The following ABCA1 variants were observed in gnomAD, a reference collection of about 807,000 sequenced individuals.
ABCA1 encodes the protein ATP binding cassette subfamily A member 1, also known as phospholipid-transporting ATPase ABCA1.
Under a neutral mutation model 262.5 loss-of-function variants are expected in ABCA1, and 133 were observed. That is an observed-to-expected ratio of 0.51 (90% CI 0.44 to 0.59). ABCA1 has a LOEUF of 0.59. ABCA1 is among the 20% of genes least tolerant of loss of function. ABCA1 has a pLI of 0.00. For missense variants in ABCA1, 2,452 were observed against 2,777.5 expected (o/e 0.88, Z 2.63); for synonymous variants, 1,022 against 1,043.5 (o/e 0.98, Z 0.40).
intron 3 of ABCA1, among the ~76,000 whole-genome samples, chr9:104,888,298 G>A (rs890090946): frequency 2.0e-5 from 3 of 152,096 alleles, no homozygotes; most frequent in South Asian, 2.1e-4. Context: ...AATCACTAGG[G>A]CAGTGAAACT....
At chr9:104,797,837 T>G (rs949846079) in intron 37 of ABCA1, among the ~76,000 whole-genome samples, 3 of 152,252 alleles carry the variant, frequency 2.0e-5, no homozygotes, top group Non-Finnish European at 4.4e-5. Context: ...ATTTGCTCTG[T>G]GTAGCTTATA....
At chr9:104,871,216 G>A (rs186626709) in intron 5 of ABCA1, among the ~76,000 whole-genome samples, 16 of 152,284 alleles carry the variant, frequency 1.1e-4, no homozygotes, top group African/African-American at 3.6e-4. Flanking sequence ...GAAGCAGAGA[G>A]CAGCCCTCAC....
chr9:104,804,440 T>C (rs1175347492), intron 32 of ABCA1, among the ~76,000 whole-genome samples, 186 bp downstream of exon 32: 1 of 152,250 alleles, frequency 6.6e-6, no homozygotes, highest in Non-Finnish European at 1.5e-5. Context: ...GCCTTGAAGC[T>C]GACAACTGAA....
chr9:104,794,465 A>G lies in ABCA1; in HGVS notation c.5428T>C (p.Phe1810Leu). 1 of 1,611,864 alleles carries G rather than the reference A, an allele frequency of 6.2e-7. No homozygotes were observed. The highest frequency in any genetic ancestry group is 8.5e-7 in the Non-Finnish European group (1 of 1,179,282). The change falls in exon 40 of 50, where the codon TTC (phenylalanine) becomes CTC (leucine). Residue 1810 changes from phenylalanine (F) to leucine (L), a missense_variant. By Grantham distance (22) the Phe-to-Leu change is conservative (BLOSUM62 0). Around this residue, in one of 4 missense-constraint regions of ABCA1, gnomAD observed 752 missense variants for 944.5 expected, o/e 0.80. Coordinates refer to ENST00000374736, the MANE Select transcript of ABCA1 (RefSeq NM_005502.4). ...CCTCGTCCCAGGCAAAAATGTGGGAAGATCAAGAACACGGACTTCAGGATA... is the reference window on the plus strand; with the variant it reads ...CCTCGTCCCAGGCAAAAATGTGGGAGGATCAAGAACACGGACTTCAGGATA... Reference protein sequence around the residue: ...NDILKSVFLIFPHFCLGRGLI... With the variant: ...NDILKSVFLILPHFCLGRGLI...
At chr9:104,907,377 A>C (rs1269578778) in intron 1 of ABCA1, among the ~76,000 whole-genome samples, 1 of 152,138 alleles carries the variant, frequency 6.6e-6, no homozygotes, top group Non-Finnish European at 1.5e-5. Context: ...CTTGGCTGGG[A>C]AAGAGGATTT....
intron 8 of ABCA1, among the ~76,000 whole-genome samples, chr9:104,843,186 CTGT>C (rs1282138317): frequency 6.6e-6 from 1 of 152,138 alleles, no homozygotes; most frequent in Non-Finnish European, 1.5e-5. Flanking sequence ...GTACACTGAC[CTGT>C]TTGTTTCTGT....
In ABCA1 at chr9:104,798,538, G is replaced by A. The variant is rs759711146; in HGVS notation, c.5004C>T (p.Val1668=). 6.2e-7 allele frequency: 1 copy of A among 1,614,188 alleles called. No homozygotes were observed. Among genetic ancestry groups the A allele is most frequent in the Non-Finnish European group, 8.5e-7 (1 of 1,180,026 alleles). The change falls in exon 37 of 50, where the codon GTC becomes GTT. Residue 1668 remains valine, a synonymous_variant. Transcript: ENST00000374736. The stretch of plus-strand genomic sequence containing the variant: ...TCAGGAATACGACAAAGCTGGCTGG[G>A]ACGAAGGACATTGCAAAGATGACAC... ...SICVIFAMSF[V]PASFVVFLIQ...
At chr9:104,842,836 G>T (rs1371962640) in intron 8 of ABCA1, among the ~76,000 whole-genome samples, 1 of 152,002 alleles carries the variant, frequency 6.6e-6, no homozygotes, top group African/African-American at 2.4e-5. Flanking sequence ...CCCTCCGCTG[G>T]ATTCTCATCT....
chr9:104,865,165 G>A (rs1241684895), intron 5 of ABCA1, among the ~76,000 whole-genome samples: 5 of 152,094 alleles, frequency 3.3e-5, no homozygotes, highest in Non-Finnish European at 5.9e-5. Context: ...TCTCAAACAT[G>A]ACTGCCCGTT....
rs1838882575 is a variant in ABCA1 at position 104,883,588 on chromosome 9, A to G, written c.303-431T>C. On this transcript the variant is annotated intron_variant, in intron 4 of 49. Transcript: ENST00000374736. ...TTAATACACTAAAAATGTATGAATA[A>G]TCATGAATCTGGTCTGGATTATATT... Among the ~76,000 whole-genome samples the G allele has an allele frequency of 6.6e-5, 10 of 152,362 alleles. No individual in the cohort carries two copies. In the South Asian group the frequency reaches 1.9e-3, roughly 28 times the overall value.
chr9:104,853,230 G>A (rs1247539064), intron 7 of ABCA1, among the ~76,000 whole-genome samples: 3 of 152,040 alleles, frequency 2.0e-5, no homozygotes, highest in East Asian at 1.9e-4. Context: ...TTTTCCCCAC[G>A]TTATTGAGAT....
chr9:104,822,722 T>C (rs1034059808), intron 18 of ABCA1, 55 bp from the exon 19 acceptor site: 1 of 1,601,340 alleles, frequency 6.2e-7, no homozygotes, highest in Non-Finnish European at 8.5e-7. Context: ...AGGAGTGGAG[T>C]GTAAGGACAC....
At chr9:104,896,711 CTTTTTTTTTTTTTTTTT>C (rs56710442) in intron 2 of ABCA1, among the ~76,000 whole-genome samples, 26 of 37,006 alleles carry the variant, frequency 7.0e-4, no homozygotes, top group Admixed American at 1.8e-3. Context: ...CCCTACACAT[CTTTTTTTTTTTTTTTTT>C]TTTTTTTTTT....
At chr9:104,808,567 C>T (rs1415959077) in intron 30 of ABCA1, among the ~76,000 whole-genome samples, 2 of 152,274 alleles carry the variant, frequency 1.3e-5, no homozygotes, top group East Asian at 3.9e-4. Flanking sequence ...TATTTAGTAA[C>T]TATCCAATAC....
chr9:104,826,996 C>T lies in ABCA1; in HGVS notation c.2289G>A (p.Leu763=), dbSNP rs755356494. 2 of 1,614,198 alleles carry T rather than the reference C, an allele frequency of 1.2e-6. No homozygotes were observed. The highest frequency in any genetic ancestry group is 1.3e-5 in the African/African-American group (1 of 75,042). ...IYFTLYLPYV[L]CVAWQDYVGF... Reference sequence around the variant, plus strand: ...CCACGTAGTCCTGCCATGCCACACACAGGACGTAGGGCAGGTACAGCGTGA... The same window carrying T: ...CCACGTAGTCCTGCCATGCCACACATAGGACGTAGGGCAGGTACAGCGTGA... The change falls in exon 16 of 50, where the codon CTG becomes CTA. Residue 763 remains leucine, a synonymous_variant. Transcript: ENST00000374736.
At chr9:104,864,881 T>A (rs962861203) in intron 5 of ABCA1, among the ~76,000 whole-genome samples, 1 of 152,120 alleles carries the variant, frequency 6.6e-6, no homozygotes, top group African/African-American at 2.4e-5. Context: ...GATGAGAACA[T>A]CTGGATGTGA....
At chr9:104,874,338 T>A (rs1837905496) in intron 5 of ABCA1, among the ~76,000 whole-genome samples, 1 of 152,094 alleles carries the variant, frequency 6.6e-6, no homozygotes, top group Non-Finnish European at 1.5e-5. Context: ...ATGGCAAACA[T>A]GGTCAGGAGT....
chr9:104,889,015 C>T (rs912136181), intron 3 of ABCA1, 87 bp downstream of exon 3: 33 of 1,182,362 alleles, frequency 2.8e-5, no homozygotes, highest in Non-Finnish European at 3.6e-5. Flanking sequence ...AAGACAGCAT[C>T]TTTGGAAAAG....
intron 7 of ABCA1, among the ~76,000 whole-genome samples, chr9:104,845,960 A>G (rs1293196177): frequency 6.6e-6 from 1 of 152,240 alleles, no homozygotes; most frequent in Admixed American, 6.5e-5. Context: ...GCTCACAAGA[A>G]AGGAAGAAAA....
Sources: allele counts gnomAD v4.1 joint callset (sites outside exome capture counted in the v4.1 genomes callset), GRCh38; gene constraint gnomAD v4.1.1; regional missense constraint gnomAD v4.1.1; transcripts MANE v1.5; gene names NCBI Gene and HGNC (gene_info 2026-07-23, HGNC 2026-07-21).